Variants in FAM149A observed in about 807,000 individuals in gnomAD.
The protein encoded by FAM149A is protein FAM149A.
FAM149A carries 71 observed loss-of-function variants against 78.2 expected under a neutral mutation model. That is an observed-to-expected ratio of 0.91 (90% confidence interval 0.75 to 1.11). FAM149A has a LOEUF of 1.11. Ranked by LOEUF, FAM149A falls within the 50% of genes least tolerant of loss-of-function variation. The probability of loss-of-function intolerance (pLI) is 0.00; values close to 1 mark genes in which losing one functional copy is unlikely to be tolerated. For synonymous variants in FAM149A, 446 were observed against 410.5 expected (o/e 1.09, Z -1.04); for missense variants, 1,036 against 971.0 (o/e 1.07, Z -0.89).
intron 1 of FAM149A, among the ~76,000 whole-genome samples, chr4:186,131,121 G>A (rs922899441): frequency 1.8e-4 from 28 of 152,274 alleles, no homozygotes; most frequent in African/African-American, 6.3e-4. Flanking sequence ...ACTGAGGTGG[G>A]TGGATCACTT....
chr4:186,112,038 T>C (rs1159907515), intron 1 of FAM149A, among the ~76,000 whole-genome samples: 2,607 of 147,136 alleles, frequency 0.018, 79 homozygotes, highest in African/African-American at 0.062. Context: ...GCATGGAATG[T>C]TCTTCCATTT....
chr4:186,172,790 A>G lies in FAM149A; in HGVS notation c.*803A>G, dbSNP rs1314555198. The G allele has an allele frequency of 2.1e-4, 24 of 111,758 alleles. 6 individuals are homozygous for G. The highest frequency in any genetic ancestry group is 1.7e-3 in the Admixed American group (19 of 11,452). 6.9% of individuals were successfully genotyped at this position (111,758 alleles called of 1,614,324 possible). ...GCCACCACTGCAATGACACCTTCCC[A>G]GAGCCCTCGTCTCCTCGCGCTCTGT... On this transcript the variant is annotated 3_prime_UTR_variant, in exon 14 of 14. Coordinates refer to ENST00000389354, the MANE Select transcript of FAM149A (RefSeq NM_001367768.3).
At chr4:186,141,244 C>T (rs192618615) in intron 1 of FAM149A, among the ~76,000 whole-genome samples, 10 of 152,128 alleles carry the variant, frequency 6.6e-5, no homozygotes, top group East Asian at 5.8e-4. Flanking sequence ...GGATATTAGA[C>T]CTTTGTTGGA....
At chr4:186,124,716 A>G (rs1426432621) in intron 1 of FAM149A, among the ~76,000 whole-genome samples, 2 of 152,218 alleles carry the variant, frequency 1.3e-5, no homozygotes, top group East Asian at 1.9e-4. Flanking sequence ...TAGTGCCACA[A>G]TAAACATACG....
chr4:186,122,850 G>T, intron 1 of FAM149A: 7 of 568,216 alleles, frequency 1.2e-5, no homozygotes, highest in Non-Finnish European at 1.6e-5. Flanking sequence ...CTTTTTTGGA[G>T]ACTAAGTGGT....
chr4:186,111,595 C>G (rs368108148), intron 1 of FAM149A, among the ~76,000 whole-genome samples: 11,574 of 147,030 alleles, frequency 0.079, 313 homozygotes, highest in South Asian at 0.1. Context: ...AAGGGATCCA[C>G]TTTCAGCTTT....
chr4:186,159,519 T>G (rs1235142828), intron 8 of FAM149A, among the ~76,000 whole-genome samples: 1 of 152,028 alleles, frequency 6.6e-6, no homozygotes, highest in Non-Finnish European at 1.5e-5. Context: ...AACAGGGGAT[T>G]AGGAATCGAG....
chr4:186,167,511 CA>C (rs55700071), intron 13 of FAM149A: 21,576 of 275,430 alleles, frequency 0.078, 722 homozygotes, highest in African/African-American at 0.15. Flanking sequence ...GGGCCTCACT[CA>C]AAAAAAAAAA....
At chr4:186,122,915 A>G (rs1166528478) in intron 1 of FAM149A, 1 of 229,502 alleles carries the variant, frequency 4.4e-6, no homozygotes, top group Non-Finnish European at 7.2e-6. Context: ...ACCTTTCTTG[A>G]AAGCATCTGG....
In FAM149A at chr4:186,105,429, G is replaced by C; in HGVS notation, c.353G>C (p.Cys118Ser). 8.3e-7 allele frequency: 1 copy of C among 1,206,208 alleles called. No individual in the cohort carries two copies. Among genetic ancestry groups the C allele is most frequent in the South Asian group, 1.4e-5 (1 of 69,616 alleles). 74.7% of individuals were successfully genotyped at this position (1,206,208 alleles called of 1,614,324 possible). A position where few individuals can be genotyped will look rare whatever the true frequency, so the allele number is the denominator to read the frequency against. ...CCCCCCACTCCCTCCGGCGGGGGCT[G>C]CTCCCCTGCTCGCCTGGTGGTCCCA... Residue 118 changes from cysteine to serine, a missense_variant, in exon 1 of 14, where the codon TGC (cysteine) becomes TCC (serine). Physicochemically the swap from Cys to Ser is moderately radical, Grantham distance 112 (BLOSUM62 -1). Transcript: ENST00000389354.
rs112379340 is a variant in FAM149A at position 186,161,974 on chromosome 4, A to G, written c.1576-871A>G. 2.3e-3 allele frequency among the ~76,000 whole-genome samples: 346 copies of G among 152,350 alleles called. 5 individuals are homozygous for G. The Middle Eastern group carries it at 0.027, about 12-fold the overall frequency. On this transcript the variant is annotated intron_variant, in intron 8 of 13. Coordinates refer to ENST00000389354, the MANE Select transcript of FAM149A (RefSeq NM_001367768.3). Reference sequence around the variant, plus strand: ...GTGCAGGTTTGTTACACAGGTATACATGTGCCATGGTGGTTTGCTGCACCT... The same window carrying G: ...GTGCAGGTTTGTTACACAGGTATACGTGTGCCATGGTGGTTTGCTGCACCT...
intron 1 of FAM149A, 24 bp downstream of exon 1, chr4:186,105,666 G>A (rs561246987): frequency 6.7e-4 from 702 of 1,043,988 alleles, no homozygotes; most frequent in Non-Finnish European, 7.6e-4. Flanking sequence ...TGGTCCGGGC[G>A]CGTGTACCTT....
rs114103514 is a variant in FAM149A at position 186,164,558 on chromosome 4, T to A, written c.1890-786T>A. ...TGTTTCTTTCACAGTTTGGGACTGA[T>A]GTTTCCAGCTGTGTTGGGTCTGCTG... On this transcript the variant is annotated intron_variant, in intron 10 of 13. Coordinates refer to ENST00000389354, the MANE Select transcript of FAM149A (RefSeq NM_001367768.3). This position sits in a 1 kb window ranked among gnomAD's most constrained non-coding sequence, Gnocchi z 4.0. 2 of 869,626 alleles carry A rather than the reference T, an allele frequency of 2.3e-6. No individual in the cohort carries two copies. The highest frequency in any genetic ancestry group is 5.8e-4 in the Middle Eastern group (1 of 1,726). The allele number at this position is 869,626 out of a possible 1,614,324, so 53.9% of individuals were successfully genotyped here.
chr4:186,149,527 C>T (rs1733307574), intron 2 of FAM149A, 39 bp from the exon 3 acceptor site: 3 of 1,289,438 alleles, frequency 2.3e-6, no homozygotes, highest in Admixed American at 2.3e-5. Context: ...CAAGCCCTTC[C>T]AGCAAATGTG....
At chr4:186,135,240 T>G (rs1055111969) in intron 1 of FAM149A, among the ~76,000 whole-genome samples, 3 of 152,220 alleles carry the variant, frequency 2.0e-5, no homozygotes, top group Non-Finnish European at 4.4e-5. Context: ...ACTCTCACGT[T>G]TTTTACTTTA....
chr4:186,146,248 T>C (rs1733024645), intron 1 of FAM149A, among the ~76,000 whole-genome samples: 4 of 152,056 alleles, frequency 2.6e-5, no homozygotes, highest in Admixed American at 2.6e-4. Context: ...GCTCAAGAAA[T>C]TGCTTAAAAG....
In FAM149A at chr4:186,156,099, C is replaced by T. The variant is rs146614253; in HGVS notation, c.1329C>T (p.Ala443=). The change falls in exon 7 of 14, where the codon GCC becomes GCT. Residue 443 remains alanine, a synonymous_variant. Transcript: ENST00000389354. Reference sequence around the variant, plus strand: ...CCCCGCGTGACTGTGTCAAAGATGCCGTGGCAGCAGAAGTGTTTGATCACG... The same window carrying T: ...CCCCGCGTGACTGTGTCAAAGATGCTGTGGCAGCAGAAGTGTTTGATCACG... The T allele has an allele frequency of 2.6e-5, 42 of 1,613,742 alleles. No homozygotes were observed. The highest frequency in any genetic ancestry group is 3.3e-5 in the South Asian group (3 of 91,032).
At chr4:186,148,665 A>G (rs1733237239) in intron 1 of FAM149A, among the ~76,000 whole-genome samples, 1 of 152,206 alleles carries the variant, frequency 6.6e-6, no homozygotes. Context: ...ATACCCACAA[A>G]CAGCAATGCT....
Position 186,116,358 on chromosome 4 carries a change from G to A in FAM149A, c.566+10716G>A, listed in dbSNP as rs1328773820. ...AATGCAGAAATCACCCGTCTTCTGT[G>A]TCACTCACGCTGGGAGCTGTAGACC... On this transcript the variant is annotated intron_variant, in intron 1 of 13. Transcript: ENST00000389354. The A allele has an allele frequency of 4.6e-5, 22 of 481,340 alleles. 1 individual carries two copies. The Admixed American group carries it at 1.2e-3, about 27-fold the overall frequency. The allele number at this position is 481,340 out of a possible 1,614,324, so 29.8% of individuals were successfully genotyped here.
Sources: allele counts gnomAD v4.1 joint callset (sites outside exome capture counted in the v4.1 genomes callset), GRCh38; gene constraint gnomAD v4.1.1; non-coding constraint Gnocchi (gnomAD v3.1); transcripts MANE v1.5; gene names NCBI Gene and HGNC (gene_info 2026-07-23, HGNC 2026-07-21).